Variants in DNAH14 observed in about 807,000 individuals in gnomAD.
DNAH14 encodes the protein axonemal beta dynein heavy chain 14.
Under a neutral mutation model 520.9 loss-of-function variants are expected in DNAH14, and 478 were observed. The ratio of observed to expected loss-of-function variants is 0.92; its 90% CI spans 0.85 to 0.99. The LOEUF (loss-of-function observed/expected upper bound fraction) is 0.99, where lower values mean the gene tolerates loss of function less well. DNAH14 is among the 50% of genes least tolerant of loss of function. The pLI, the probability that DNAH14 is intolerant of heterozygous loss-of-function variation, is 0.00. For missense variants in DNAH14, 4,831 were observed against 5,234.5 expected (o/e 0.92, Z 2.38); for synonymous variants, 1,581 against 1,757.2 (o/e 0.90, Z 2.51).
chr1:225,120,862 A>C (rs1486251603), intron 26 of DNAH14, among the ~76,000 whole-genome samples: 1 of 152,232 alleles, frequency 6.6e-6, no homozygotes, highest in African/African-American at 2.4e-5. Flanking sequence ...AGACAATTAT[A>C]TCATTTGCTA....
chr1:225,336,046 C>CATATATATGT (rs11281928), intron 66 of DNAH14, among the ~76,000 whole-genome samples: 82,404 of 141,306 alleles, frequency 0.58, 25,142 homozygotes, highest in East Asian at 0.76. Flanking sequence ...CACATATATG[C>CATATATATGT]ATATATACAT....
intron 8 of DNAH14, among the ~76,000 whole-genome samples, chr1:224,990,968 T>A (rs2062989789): frequency 6.6e-6 from 1 of 152,020 alleles, no homozygotes; most frequent in South Asian, 2.1e-4. Context: ...TTATTTTTCA[T>A]TTTTTTGATA....
chr1:225,215,730 T>C (rs1020493607), intron 41 of DNAH14, among the ~76,000 whole-genome samples: 8 of 152,200 alleles, frequency 5.3e-5, no homozygotes, highest in Admixed American at 3.9e-4. Context: ...TGCCTTTTTT[T>C]AACTTTCCGT....
chr1:225,337,921 A>AGT (rs1303962513), intron 67 of DNAH14, 140 bp from the exon 68 acceptor site: 7 of 757,656 alleles, frequency 9.2e-6, no homozygotes, highest in African/African-American at 1.8e-5. Flanking sequence ...GATTGACTAT[A>AGT]GTCACCCTGT....
At chr1:225,130,564 G>A (rs188239980) in intron 27 of DNAH14, among the ~76,000 whole-genome samples, 399 of 147,550 alleles carry the variant, frequency 2.7e-3, no homozygotes, top group African/African-American at 8.8e-3. Flanking sequence ...GTAAAATATC[G>A]CAAGGATAAA....
At chr1:225,331,063 G>A (rs1223965753) in intron 64 of DNAH14, among the ~76,000 whole-genome samples, 1 of 151,876 alleles carries the variant, frequency 6.6e-6, no homozygotes, top group Non-Finnish European at 1.5e-5. Context: ...AAATTCATTC[G>A]GTCCTCTGGT....
chr1:225,063,729 G>T (rs2070481674), intron 17 of DNAH14, among the ~76,000 whole-genome samples: 1 of 151,964 alleles, frequency 6.6e-6, no homozygotes, highest in Non-Finnish European at 1.5e-5. Context: ...AAAGTTATCT[G>T]AAAAATGATG....
chr1:225,148,668 G>A (rs1346174800), intron 31 of DNAH14, among the ~76,000 whole-genome samples: 3 of 152,156 alleles, frequency 2.0e-5, no homozygotes, highest in Admixed American at 6.5e-5. Flanking sequence ...TCAAAGTGCT[G>A]GGATTACAGG....
intron 73 of DNAH14, among the ~76,000 whole-genome samples, chr1:225,355,322 T>G (rs1030736001): frequency 1.3e-5 from 2 of 152,146 alleles, no homozygotes; most frequent in African/African-American, 4.8e-5. Flanking sequence ...TCATCCAGGC[T>G]GTAGTGCAGT....
intron 3 of DNAH14, 125 bp from the exon 4 acceptor site, chr1:224,960,028 T>C: frequency 2.2e-6 from 2 of 891,098 alleles, no homozygotes; most frequent in Non-Finnish European, 3.1e-6. Context: ...ATTCAGCCTG[T>C]GCTCTTAACT....
At chr1:225,040,159 T>C (rs1438845641) in intron 12 of DNAH14, among the ~76,000 whole-genome samples, 2 of 152,008 alleles carry the variant, frequency 1.3e-5, no homozygotes, top group Admixed American at 6.5e-5. Context: ...CAGGATGGTC[T>C]TGATCTCCTG....
At chr1:225,106,221 C>T (rs1273974554) in intron 23 of DNAH14, among the ~76,000 whole-genome samples, 2 of 151,732 alleles carry the variant, frequency 1.3e-5, no homozygotes, top group Admixed American at 6.6e-5. Flanking sequence ...CCACTCTCTT[C>T]TGGCTTGCAG....
intron 53 of DNAH14, among the ~76,000 whole-genome samples, chr1:225,276,987 G>GGAAGGAAGGAAGGA (rs1558241801): frequency 3.7e-5 from 1 of 26,702 alleles, no homozygotes; most frequent in African/African-American, 1.8e-4. Flanking sequence ...GGAAGGAAGG[G>GGAAGGAAGGAAGGA]AGGGAGGAAG....
At chr1:225,096,279 G>T (rs1048328535) in intron 21 of DNAH14, among the ~76,000 whole-genome samples, 1 of 152,058 alleles carries the variant, frequency 6.6e-6, no homozygotes, top group Non-Finnish European at 1.5e-5. Context: ...ACCGTGCCTG[G>T]CCAAAATTGT....
intron 27 of DNAH14, among the ~76,000 whole-genome samples, chr1:225,127,490 G>A (rs2077866093): frequency 6.6e-6 from 1 of 152,028 alleles, no homozygotes; most frequent in African/African-American, 2.4e-5. Context: ...TTTGATCTTT[G>A]TTGGTTTAAA....
intron 17 of DNAH14, among the ~76,000 whole-genome samples, chr1:225,059,263 C>T (rs2069631521): frequency 6.6e-6 from 1 of 152,134 alleles, no homozygotes; most frequent in Non-Finnish European, 1.5e-5. Context: ...TTGAATTGAT[C>T]CCTTTACCAT....
chr1:225,068,319 G>C (rs1558851180), intron 17 of DNAH14, among the ~76,000 whole-genome samples: 1 of 152,058 alleles, frequency 6.6e-6, no homozygotes, highest in African/African-American at 2.4e-5. Context: ...GCCTTTTCTT[G>C]TACCAGTACC....
At chr1:225,098,516 G>A (rs1458530050) in intron 22 of DNAH14, among the ~76,000 whole-genome samples, 1 of 152,184 alleles carries the variant, frequency 6.6e-6, no homozygotes, top group African/African-American at 2.4e-5. Context: ...CAAGTATTTT[G>A]TATTTTATTT....
At chr1:225,301,897 A>G (rs1291844514) in intron 56 of DNAH14, among the ~76,000 whole-genome samples, 1 of 152,012 alleles carries the variant, frequency 6.6e-6, no homozygotes, top group Non-Finnish European at 1.5e-5. Context: ...ATTTTTTAAT[A>G]CCGTGGTAGG....
Sources: gnomAD v4.1 joint callset for allele counts (sites outside exome capture counted in the v4.1 genomes callset) on GRCh38, gnomAD v4.1.1 for gene constraint, MANE v1.5 for transcripts, NCBI Gene and HGNC (gene_info 2026-07-23, HGNC 2026-07-21) for gene names.